The following GSDMC variants were observed in gnomAD, a reference collection of about 807,000 sequenced individuals.
The protein encoded by GSDMC is gasdermin C.
A neutral mutation model predicts 58.0 loss-of-function variants in GSDMC; 59 were observed. The ratio of observed to expected loss-of-function variants is 1.02; its 90% CI spans 0.82 to 1.26. The LOEUF is 1.26. GSDMC is among the 50% of genes most tolerant of loss of function. The probability of loss-of-function intolerance (pLI) is 0.00; values close to 1 mark genes in which losing one functional copy is unlikely to be tolerated. For missense variants in GSDMC, 659 were observed against 598.5 expected (o/e 1.10, Z -1.06); for synonymous variants, 241 against 220.2 (o/e 1.09, Z -0.83).
At chr8:129,706,956 G>T in the GSDMC span, 3 of 152,116 alleles carry the variant, frequency 2.0e-5, no homozygotes, top group African/African-American at 7.2e-5. Context: ...ACTGTGCTAG[G>T]TTCTGGAAAA....
At chr8:129,715,708 T>C in the GSDMC span, among the ~76,000 whole-genome samples, 1 of 152,200 alleles carries the variant, frequency 6.6e-6, no homozygotes, top group South Asian at 2.1e-4. Context: ...GCAGAAGGAA[T>C]ATGATATCAG....
At position 129,777,406 on chromosome 8, in the gene GSDMC, G is replaced by A; in HGVS notation, c.182C>T (p.Ser61Phe). 1.2e-5 allele frequency: 20 copies of A among 1,613,430 alleles called. No individual in the cohort carries two copies. The highest frequency in any genetic ancestry group is 1.6e-5 in the Non-Finnish European group (19 of 1,179,378). The change falls in exon 2 of 14, where the codon TCC becomes TTC. Residue 61 changes from serine to phenylalanine, a missense_variant. Transcript: ENST00000276708. ...EQSDYVPVEFSLNDILEPSSS... is the reference protein window; with the variant it reads ...EQSDYVPVEFFLNDILEPSSS... ...ACTTGGCTCCAGGATGTCATTGAGG[G>A]AGAATTCAACTGGAACATAGTCAGA...
rs2034443217 is a variant in GSDMC at position 129,782,498 on chromosome 8, T to C, written c.-5+3513A>G. On this transcript the variant is annotated intron_variant, in intron 1 of 13. Coordinates refer to ENST00000276708, the MANE Select transcript of GSDMC (RefSeq NM_031415.3). Reference sequence around the variant, plus strand: ...TAAGAAAAAAGAGAGAAGGCCCAAATAAATAAAATCACAGATGAAAAAGAA... The same window carrying C: ...TAAGAAAAAAGAGAGAAGGCCCAAACAAATAAAATCACAGATGAAAAAGAA... Among the ~76,000 whole-genome samples the C allele has an allele frequency of 2.0e-5, 3 of 151,336 alleles. No individual in the cohort carries two copies. The South Asian group carries it at 6.2e-4, about 31-fold the overall frequency.
the GSDMC span, among the ~76,000 whole-genome samples, chr8:129,724,541 T>A: frequency 6.6e-6 from 1 of 151,606 alleles, no homozygotes; most frequent in African/African-American, 2.4e-5. Flanking sequence ...AGGTTTTCTG[T>A]CTTATTCCCT....
intron 3 of GSDMC, among the ~76,000 whole-genome samples, chr8:129,771,072 T>C (rs2034033080): frequency 1.3e-5 from 2 of 150,546 alleles, no homozygotes. Context: ...TCAGATAAAA[T>C]GGACTTAAGT....
chr8:129,733,017 G>A, the GSDMC span, among the ~76,000 whole-genome samples: 2 of 152,248 alleles, frequency 1.3e-5, no homozygotes, highest in African/African-American at 4.8e-5. Flanking sequence ...TATCCCGCAT[G>A]TGGCTCAGCA....
In GSDMC at chr8:129,764,222, G is replaced by A. The variant is rs564432532; in HGVS notation, c.570+1406C>T. The stretch of plus-strand genomic sequence containing the variant: ...TTTTGTTAACGAGTGAAGCATGAAA[G>A]CTGTTAAATGTGCATAGGCAGGGCA... On this transcript the variant is annotated intron_variant, in intron 4 of 13. Coordinates refer to ENST00000276708, the MANE Select transcript of GSDMC (RefSeq NM_031415.3). Among the ~76,000 whole-genome samples, 226 of 152,138 alleles carry A rather than the reference G, an allele frequency of 1.5e-3. 1 individual carries two copies. Among genetic ancestry groups the A allele is most frequent in the African/African-American group, 5.0e-3 (208 of 41,512 alleles).
intron 5 of GSDMC, 119 bp downstream of exon 5, chr8:129,762,507 C>T: frequency 1.4e-6 from 1 of 727,388 alleles, no homozygotes; most frequent in Non-Finnish European, 2.5e-6. Context: ...CATGCTTCTC[C>T]TTGGATAGGC....
chr8:129,731,700 C>T, the GSDMC span, among the ~76,000 whole-genome samples: 26 of 152,250 alleles, frequency 1.7e-4, no homozygotes, highest in South Asian at 8.3e-4. Flanking sequence ...GGGCAGTCTG[C>T]GTTATTCAAA....
the GSDMC span, among the ~76,000 whole-genome samples, chr8:129,707,534 A>C: frequency 6.6e-6 from 1 of 152,238 alleles, no homozygotes; most frequent in Non-Finnish European, 1.5e-5. Context: ...TGCAAATATA[A>C]GAGCATTTAA....
intron 2 of GSDMC, 42 bp from the exon 3 acceptor site, chr8:129,776,327 A>G: frequency 6.8e-7 from 1 of 1,468,432 alleles, no homozygotes; most frequent in Non-Finnish European, 9.2e-7. Flanking sequence ...CCAAGAATTC[A>G]TTCAAGAATT....
At chr8:129,712,261 T>C in the GSDMC span, among the ~76,000 whole-genome samples, 1 of 152,236 alleles carries the variant, frequency 6.6e-6, no homozygotes, top group African/African-American at 2.4e-5. Flanking sequence ...CTTAGAAGTT[T>C]TATTTTTCAA....
chr8:129,714,388 C>G, the GSDMC span, among the ~76,000 whole-genome samples: 2 of 152,214 alleles, frequency 1.3e-5, no homozygotes, highest in East Asian at 3.8e-4. Context: ...TTCACTCATT[C>G]ATTCATTCCT....
At chr8:129,782,901 T>TA (rs535189791) in intron 1 of GSDMC, among the ~76,000 whole-genome samples, 232 of 139,164 alleles carry the variant, frequency 1.7e-3, no homozygotes, top group East Asian at 3.1e-3. Context: ...CAAAGAAACT[T>TA]AAAAAAAAAA....
the GSDMC span, among the ~76,000 whole-genome samples, chr8:129,732,088 A>C: frequency 6.6e-6 from 1 of 152,270 alleles, no homozygotes; most frequent in South Asian, 2.1e-4. Flanking sequence ...GGCCTTTAAG[A>C]GGTCACTGGG....
At chr8:129,768,094 C>T (rs755659252) in intron 3 of GSDMC, among the ~76,000 whole-genome samples, 1 of 152,058 alleles carries the variant, frequency 6.6e-6, no homozygotes, top group Non-Finnish European at 1.5e-5. Context: ...TGATCCAGCC[C>T]GACCATGGAG....
intron 6 of GSDMC, among the ~76,000 whole-genome samples, chr8:129,756,559 T>C (rs1055291997): frequency 6.6e-6 from 1 of 152,196 alleles, no homozygotes; most frequent in African/African-American, 2.4e-5. Flanking sequence ...ATAGAGCTAA[T>C]AGATACTTAG....
the GSDMC span, among the ~76,000 whole-genome samples, chr8:129,714,871 G>A: frequency 1.3e-5 from 2 of 152,072 alleles, no homozygotes; most frequent in South Asian, 4.1e-4. Context: ...ATATAGAGAT[G>A]ATTTTTCTTC....
intron 3 of GSDMC, among the ~76,000 whole-genome samples, chr8:129,769,407 T>G (rs1052513947): frequency 3.9e-5 from 6 of 152,208 alleles, no homozygotes; most frequent in African/African-American, 1.4e-4. Context: ...GTCTGTTTTC[T>G]GTTGCTATAA....
Sources: allele counts gnomAD v4.1 joint callset (sites outside exome capture counted in the v4.1 genomes callset), GRCh38; gene constraint gnomAD v4.1.1; transcripts MANE v1.5; gene names NCBI Gene and HGNC (gene_info 2026-07-23, HGNC 2026-07-21).